FBN2: variants seen among roughly 807,000 people sequenced by gnomAD.
The protein encoded by FBN2 is fibrillin-2.
FBN2 carries 105 observed loss-of-function variants against 355.6 expected under a neutral mutation model. The ratio of observed to expected loss-of-function variants is 0.30; its 90% CI spans 0.25 to 0.35. The LOEUF is 0.35. FBN2 is among the 10% of genes least tolerant of loss of function. FBN2 has a pLI of 1.00. For synonymous variants in FBN2, 1,350 were observed against 1,301.2 expected (o/e 1.04, Z -0.81); for missense variants, 3,280 against 3,758.7 (o/e 0.87, Z 3.33).
rs146941428 is a variant in FBN2 at position 128,464,817 on chromosome 5, G to T, written c.733C>A (p.Arg245=). The change falls in exon 6 of 65, where the codon CGG becomes AGG. Residue 245 remains arginine, a synonymous_variant. Coordinates refer to ENST00000262464, the MANE Select transcript of FBN2 (RefSeq NM_001999.4). The part of the protein sequence containing the change: ...TKTLCCATIG[R]AWGHPCEMCP... ...ATCTCACAGGGATGGCCCCACGCCC[G>T]TCCAATGGTGGCACAGCACAGAGTC... 4.3e-6 allele frequency: 7 copies of T among 1,614,234 alleles called. No individual in the cohort carries two copies. In the South Asian group the frequency reaches 5.5e-5, roughly 13 times the overall value.
intron 7 of FBN2, among the ~76,000 whole-genome samples, chr5:128,443,696 T>G (rs1753982556): frequency 6.6e-6 from 1 of 152,128 alleles, no homozygotes; most frequent in Non-Finnish European, 1.5e-5. Flanking sequence ...CCAAAAAAGG[T>G]TTTTAAAGAG....
Position 128,263,390 on chromosome 5 carries a change from A to G in FBN2, c.8192+35T>C, listed in dbSNP as rs760846848. On this transcript the variant is annotated intron_variant, in intron 63 of 64. Transcript: ENST00000262464. ...GCCTGAACTCACTCAGGAACCATGTATTCCTCTATGTGCTGAGGCTGAAGG... is the reference window on the plus strand; with the variant it reads ...GCCTGAACTCACTCAGGAACCATGTGTTCCTCTATGTGCTGAGGCTGAAGG... 2.7e-6 allele frequency: 4 copies of G among 1,500,984 alleles called. 1 individual carries two copies. The South Asian group carries it at 4.5e-5, about 17-fold the overall frequency. 93.0% of individuals were successfully genotyped at this position (1,500,984 alleles called of 1,614,324 possible).
At chr5:128,280,107 G>C in intron 56 of FBN2, 85 bp downstream of exon 56, 2 of 1,120,526 alleles carry the variant, frequency 1.8e-6, no homozygotes, top group Admixed American at 3.4e-5. Context: ...TAGCAGACAA[G>C]AATATATATG....
chr5:128,513,702 TC>T (rs1756194868), intron 5 of FBN2, among the ~76,000 whole-genome samples: 1 of 152,208 alleles, frequency 6.6e-6, no homozygotes, highest in Non-Finnish European at 1.5e-5. Flanking sequence ...AATTGATTTT[TC>T]TCCCTGATTT....
At chr5:128,426,821 A>G (rs1172398985) in intron 7 of FBN2, among the ~76,000 whole-genome samples, 1 of 152,158 alleles carries the variant, frequency 6.6e-6, no homozygotes, top group Non-Finnish European at 1.5e-5. Flanking sequence ...ACTAGGAACG[A>G]AGATCTTTCT....
At chr5:128,413,666 G>A (rs979879730) in intron 7 of FBN2, among the ~76,000 whole-genome samples, 1 of 152,008 alleles carries the variant, frequency 6.6e-6, no homozygotes, top group Admixed American at 6.6e-5. Flanking sequence ...AGATATCAAT[G>A]AATTCTAAGA....
chr5:128,380,454 C>A (rs1016018933), intron 11 of FBN2, among the ~76,000 whole-genome samples: 1 of 152,092 alleles, frequency 6.6e-6, no homozygotes, highest in Non-Finnish European at 1.5e-5. Context: ...GCCACTTCTG[C>A]AGGACTGTTT....
rs900595610 is a variant in FBN2, at chr5:128,313,532, CT to C, written c.4718-738del. On this transcript the variant is annotated intron_variant, in intron 36 of 64. Coordinates refer to ENST00000262464, the MANE Select transcript of FBN2 (RefSeq NM_001999.4). ...TGCATTTTCAATAAAAGGAAATTCA[CT>C]TTTTTTTTCAGTTGCACAGGCCCTA... Among the ~76,000 whole-genome samples the C allele has an allele frequency of 1.1e-4, 17 of 151,326 alleles. 1 individual carries two copies. The highest frequency in any genetic ancestry group is 4.2e-4 in the South Asian group (2 of 4,756).
chr5:128,269,283 G>GTAA (rs3989391), intron 62 of FBN2, among the ~76,000 whole-genome samples: 2,559 of 145,124 alleles, frequency 0.018, 51 homozygotes, highest in African/African-American at 0.048. Flanking sequence ...AATAATAATA[G>GTAA]TAATAATAAT....
intron 7 of FBN2, among the ~76,000 whole-genome samples, chr5:128,410,621 C>G (rs1383371469): frequency 6.6e-6 from 1 of 152,098 alleles, no homozygotes. Flanking sequence ...AACAACTTCC[C>G]TATGCCCTAG....
chr5:128,316,971 C>T (rs1257952321), intron 36 of FBN2, among the ~76,000 whole-genome samples: 2 of 152,132 alleles, frequency 1.3e-5, no homozygotes, highest in African/African-American at 4.8e-5. Context: ...GCGAACTGGG[C>T]GACTGCTCCT....
chr5:128,293,429 T>C (rs1190668432), intron 48 of FBN2, among the ~76,000 whole-genome samples: 2 of 151,772 alleles, frequency 1.3e-5, no homozygotes, highest in African/African-American at 4.8e-5. Flanking sequence ...GAGGTGGGGG[T>C]TGCAGTGAGC....
chr5:128,337,037 C>T (rs765292227), intron 27 of FBN2, among the ~76,000 whole-genome samples: 13 of 152,116 alleles, frequency 8.5e-5, no homozygotes, highest in African/African-American at 1.2e-4. Flanking sequence ...GTAAGATCCA[C>T]GAAAACTAAA....
chr5:128,456,726 G>A (rs1377942898), intron 6 of FBN2, among the ~76,000 whole-genome samples: 2 of 151,986 alleles, frequency 1.3e-5, no homozygotes, highest in Non-Finnish European at 2.9e-5. Context: ...CTAAAAGAAA[G>A]ACAAACAAGC....
intron 5 of FBN2, among the ~76,000 whole-genome samples, chr5:128,469,099 G>C (rs542655878): frequency 2.6e-5 from 4 of 152,122 alleles, no homozygotes; most frequent in Non-Finnish European, 5.9e-5. Flanking sequence ...GGAAAAAAGT[G>C]AATAAGAAAG....
At chr5:128,484,318 G>A (rs1451563759) in intron 5 of FBN2, among the ~76,000 whole-genome samples, 1 of 152,154 alleles carries the variant, frequency 6.6e-6, no homozygotes, top group African/African-American at 2.4e-5. Context: ...ATTAGTTAAA[G>A]CTAAAATGTT....
intron 5 of FBN2, among the ~76,000 whole-genome samples, chr5:128,493,079 C>T (rs1217550244): frequency 6.6e-6 from 1 of 152,094 alleles, no homozygotes; most frequent in African/African-American, 2.4e-5. Context: ...GCAAATAAAA[C>T]ATGACCACTG....
intron 7 of FBN2, among the ~76,000 whole-genome samples, chr5:128,413,522 T>C (rs1753121740): frequency 6.6e-6 from 1 of 152,098 alleles, no homozygotes; most frequent in Admixed American, 6.6e-5. Flanking sequence ...GGAAATCCAA[T>C]CTAAACAAAA....
In FBN2 at chr5:128,335,436, T is replaced by C; in HGVS notation, c.3847+19A>G. On this transcript the variant is annotated intron_variant, in intron 29 of 64. Transcript: ENST00000262464. Reference sequence around the variant, plus strand: ...AAATTAGTTAGATGTACAAAACCTGTGTGTTTTCCTTTCTATACCTGCACA... The same window carrying C: ...AAATTAGTTAGATGTACAAAACCTGCGTGTTTTCCTTTCTATACCTGCACA... 1 of 1,614,114 alleles carries C rather than the reference T, an allele frequency of 6.2e-7. No individual in the cohort carries two copies. Among genetic ancestry groups the C allele is most frequent in the South Asian group, 1.1e-5 (1 of 91,082 alleles).
Sources: allele counts gnomAD v4.1 joint callset (sites outside exome capture counted in the v4.1 genomes callset), GRCh38; gene constraint gnomAD v4.1.1; transcripts MANE v1.5; gene names NCBI Gene and HGNC (gene_info 2026-07-23, HGNC 2026-07-21).